HCN1: variants seen among roughly 807,000 people sequenced by gnomAD.
The protein encoded by HCN1 is hyperpolarization activated cyclic nucleotide gated potassium channel 1.
HCN1 carries 13 observed loss-of-function variants against 78.9 expected under a neutral mutation model. The ratio of observed to expected loss-of-function variants is 0.16; its 90% confidence interval spans 0.11 to 0.26. The LOEUF is 0.26. Ranked by LOEUF, HCN1 falls within the 10% of genes least tolerant of loss-of-function variation. The probability of loss-of-function intolerance (pLI) is 1.00; values close to 1 mark genes in which losing one functional copy is unlikely to be tolerated. For missense variants in HCN1, 810 were observed against 1,154.3 expected, an observed-to-expected ratio of 0.70 and a Z score of 4.32; for synonymous variants, 552 against 455.5, an observed-to-expected ratio of 1.21 and a Z score of -2.70.
intron 3 of HCN1, among the ~76,000 whole-genome samples, chr5:45,417,401 G>A (rs982390563): frequency 1.3e-5 from 2 of 151,840 alleles, no homozygotes; most frequent in Non-Finnish European, 2.9e-5. Flanking sequence ...AGAATTAAGG[G>A]TAGAGTCTAT....
chr5:45,475,614 TTACTATCATTATTATCTG>T (rs1741496153), intron 2 of HCN1, among the ~76,000 whole-genome samples: 1 of 152,072 alleles, frequency 6.6e-6, no homozygotes. Context: ...GTCCAAAAGG[TTACTATCATTATTATCTG>T]GGCTTTCACC....
chr5:45,310,747 A>C (rs915256004), intron 5 of HCN1, among the ~76,000 whole-genome samples: 18 of 152,210 alleles, frequency 1.2e-4, no homozygotes, highest in African/African-American at 4.3e-4. Flanking sequence ...AAAAGAGTAA[A>C]GACATGGAAT....
intron 4 of HCN1, among the ~76,000 whole-genome samples, chr5:45,362,186 A>G (rs546122016): frequency 3.9e-4 from 55 of 139,590 alleles, no homozygotes; most frequent in African/African-American, 1.4e-3. Context: ...GTGTGTGTGT[A>G]TCTATCTATG....
intron 5 of HCN1, among the ~76,000 whole-genome samples, chr5:45,330,075 C>T (rs1315537177): frequency 6.6e-6 from 1 of 151,348 alleles, no homozygotes; most frequent in Non-Finnish European, 1.5e-5. Context: ...GTGCCCCTTA[C>T]ACAATTTTCT....
intron 2 of HCN1, among the ~76,000 whole-genome samples, chr5:45,616,757 T>C (rs1008807665): frequency 6.6e-6 from 1 of 152,030 alleles, no homozygotes; most frequent in Non-Finnish European, 1.5e-5. Context: ...AATATATGTG[T>C]GATACATCCA....
chr5:45,436,929 A>G lies in HCN1; in HGVS notation c.1011+24917T>C, dbSNP rs531929024. Among the ~76,000 whole-genome samples the G allele has an allele frequency of 5.3e-5, 8 of 152,344 alleles. No homozygotes were observed. In the South Asian group the frequency reaches 1.7e-3, roughly 32 times the overall value. On this transcript the variant is annotated intron_variant, in intron 3 of 7. Coordinates refer to ENST00000303230, the MANE Select transcript of HCN1 (RefSeq NM_021072.4). ...AGTCCGATCAACCAGATTAAATAAT[A>G]CAGTAAATGAAAACTTGGATTAGAA...
At chr5:45,506,536 C>G (rs866347864) in intron 2 of HCN1, among the ~76,000 whole-genome samples, 1 of 151,892 alleles carries the variant, frequency 6.6e-6, no homozygotes. Context: ...AAATGCAAAA[C>G]ACAAATGCAA....
At chr5:45,293,607 TC>T (rs1219209843) in intron 6 of HCN1, among the ~76,000 whole-genome samples, 1 of 152,020 alleles carries the variant, frequency 6.6e-6, no homozygotes, top group Admixed American at 6.6e-5. Flanking sequence ...TTCTCCTTCT[TC>T]CCCTCCTTCT....
At chr5:45,352,156 G>C (rs1040390823) in intron 5 of HCN1, among the ~76,000 whole-genome samples, 2 of 152,150 alleles carry the variant, frequency 1.3e-5, no homozygotes, top group African/African-American at 4.8e-5. Context: ...ACTGGATTAA[G>C]AAAATGTGGC....
intron 5 of HCN1, among the ~76,000 whole-genome samples, chr5:45,309,677 G>A (rs978322901): frequency 1.3e-5 from 2 of 152,130 alleles, no homozygotes; most frequent in Admixed American, 1.3e-4. Context: ...TTATTGATTT[G>A]TGTATGTTGA....
chr5:45,276,756 T>C, intron 6 of HCN1, among the ~76,000 whole-genome samples: 1 of 152,086 alleles, frequency 6.6e-6, no homozygotes, highest in Non-Finnish European at 1.5e-5. Flanking sequence ...TTTATGTAAA[T>C]TCAAATAATA....
chr5:45,467,640 G>T (rs1741301069), intron 2 of HCN1, among the ~76,000 whole-genome samples: 1 of 151,858 alleles, frequency 6.6e-6, no homozygotes, highest in South Asian at 2.1e-4. Flanking sequence ...CTCAGCAATG[G>T]TCTATCCATT....
rs569817769 is a variant in HCN1 at position 45,258,723 on chromosome 5, C to A, written c.*3198G>T. The A allele has an allele frequency of 1.3e-5, 2 of 151,818 alleles. No homozygotes were observed. Among genetic ancestry groups the A allele is most frequent in the African/African-American group, 4.8e-5 (2 of 41,456 alleles). The allele number at this position is 151,818 out of a possible 1,614,324, so 9.4% of individuals were successfully genotyped here. A position where few individuals can be genotyped will look rare whatever the true frequency, so the allele number is the denominator to read the frequency against. ...TAGGGCCTTGGGCCTACTATACAAA[C>A]CTATTTTGTTTAAGGCTATAAATAT... On this transcript the variant is annotated 3_prime_UTR_variant, in exon 8 of 8. Coordinates refer to ENST00000303230, the MANE Select transcript of HCN1 (RefSeq NM_021072.4).
intron 6 of HCN1, among the ~76,000 whole-genome samples, chr5:45,300,467 T>C (rs1414823849): frequency 6.6e-6 from 1 of 152,114 alleles, no homozygotes; most frequent in African/African-American, 2.4e-5. Flanking sequence ...GATGATCTAT[T>C]TATTATGATG....
Position 45,255,035 on chromosome 5 carries a change from G to C in HCN1, c.*6886C>G, listed in dbSNP as rs1484130228. 6.6e-6 allele frequency: 1 copy of C among 152,192 alleles called. No individual in the cohort carries two copies. The highest frequency in any genetic ancestry group is 1.5e-5 in the Non-Finnish European group (1 of 68,036). 9.4% of individuals were successfully genotyped at this position (152,192 alleles called of 1,614,324 possible). ...CAGAAGGCAATGGACACATTGTACT[G>C]ATGTGATATTAAGAAACATTGCTAG... is the stretch of plus-strand genomic sequence containing the variant. On this transcript the variant is annotated 3_prime_UTR_variant, in exon 8 of 8. Transcript: ENST00000303230.
chr5:45,353,094 T>A lies in HCN1; in HGVS notation c.1377+6A>T, dbSNP rs1579834484. ...TATTATGCATACTGAGGACAATAAA[T>A]CTTACCTCTCTCAGAGGATCATTGA... On this transcript the variant is annotated splice_donor_region_variant and intron_variant, in intron 5 of 7. Coordinates refer to ENST00000303230, the MANE Select transcript of HCN1 (RefSeq NM_021072.4). The A allele has an allele frequency of 6.2e-7, 1 of 1,607,298 alleles. No homozygotes were observed. The highest frequency in any genetic ancestry group is 8.5e-7 in the Non-Finnish European group (1 of 1,175,372).
intron 6 of HCN1, among the ~76,000 whole-genome samples, chr5:45,285,702 T>C (rs1356362650): frequency 2.0e-5 from 3 of 151,988 alleles, no homozygotes; most frequent in Non-Finnish European, 4.4e-5. Flanking sequence ...TGAAAAAAGA[T>C]CTTGATTTAA....
chr5:45,656,469 T>C (rs527376112), intron 1 of HCN1, among the ~76,000 whole-genome samples: 2 of 152,288 alleles, frequency 1.3e-5, no homozygotes, highest in South Asian at 2.1e-4. Context: ...CAAACATTCA[T>C]TGAGCAGCAA....
intron 6 of HCN1, among the ~76,000 whole-genome samples, chr5:45,271,729 T>C (rs1487727386): frequency 6.6e-6 from 1 of 152,160 alleles, no homozygotes; most frequent in African/African-American, 2.4e-5. Context: ...AATAGCAACA[T>C]GCTTAATGAA....
Sources: allele counts gnomAD v4.1 joint callset (sites outside exome capture counted in the v4.1 genomes callset), GRCh38; gene constraint gnomAD v4.1.1; transcripts MANE v1.5; gene names NCBI Gene and HGNC (gene_info 2026-07-23, HGNC 2026-07-21).